Variants in ADK observed in about 807,000 individuals in gnomAD.
ADK encodes the protein N6,N6-dimethyladenosine kinase.
A neutral mutation model predicts 44.7 loss-of-function variants in ADK; 24 were observed. The observed-to-expected ratio is 0.54, with a 90% confidence interval of 0.39 to 0.76. The LOEUF (loss-of-function observed/expected upper bound fraction) is 0.76. ADK is among the 30% of genes least tolerant of loss of function. The probability of loss-of-function intolerance (pLI) is 0.00; values close to 1 mark genes in which losing one functional copy is unlikely to be tolerated. For missense variants in ADK, 321 were observed against 425.1 expected, an observed-to-expected ratio of 0.76 and a Z score of 2.15; for synonymous variants, 128 against 142.6, an observed-to-expected ratio of 0.90 and a Z score of 0.73.
chr10:74,282,843 A>G (rs999565637), intron 3 of ADK, among the ~76,000 whole-genome samples: 12 of 152,254 alleles, frequency 7.9e-5, no homozygotes, highest in Admixed American at 7.8e-4. Context: ...TTTTGCTGTT[A>G]ATTTTGTCTT....
chr10:74,473,049 ATG>A (rs945086044), intron 6 of ADK, among the ~76,000 whole-genome samples: 34 of 152,086 alleles, frequency 2.2e-4, no homozygotes, highest in African/African-American at 7.7e-4. Context: ...GAAGACAGTG[ATG>A]TGATCATGGC....
At position 74,569,084 on chromosome 10, in the gene ADK, T is replaced by C. The variant is rs558861435; in HGVS notation, c.727-20198T>C. On this transcript the variant is annotated intron_variant, in intron 7 of 10. Transcript: ENST00000539909. ...GAATGATGGTCTCCAGCTTCATCCA[T>C]GTCCCTACAAAAGACATGAACTCAT... Among the ~76,000 whole-genome samples the C allele has an allele frequency of 3.9e-5, 6 of 152,320 alleles. No homozygotes were observed. The South Asian group carries it at 1.2e-3, about 32-fold the overall frequency.
intron 3 of ADK, among the ~76,000 whole-genome samples, chr10:74,237,026 T>A (rs1262806323): frequency 1.3e-5 from 2 of 152,186 alleles, no homozygotes; most frequent in African/African-American, 4.8e-5. Context: ...TGCTGAAGGT[T>A]GGAGTGTCTG....
In ADK at chr10:74,429,059, A is replaced by G. The variant is rs530675743; in HGVS notation, c.555+30480A>G. On this transcript the variant is annotated intron_variant, in intron 6 of 10. Transcript: ENST00000539909. Reference sequence around the variant, plus strand: ...AATGTGACAACAGATGAAAATGGATAAAGGTATTTTCTGTGTTTTTATTTT... The same window carrying G: ...AATGTGACAACAGATGAAAATGGATGAAGGTATTTTCTGTGTTTTTATTTT... Among the ~76,000 whole-genome samples, 12 of 152,334 alleles carry G rather than the reference A, an allele frequency of 7.9e-5. No homozygotes were observed. In the South Asian group the frequency reaches 2.3e-3, roughly 29 times the overall value.
intron 1 of ADK, among the ~76,000 whole-genome samples, chr10:74,153,272 G>C (rs1454082392): frequency 3.3e-5 from 5 of 152,120 alleles, no homozygotes; most frequent in Non-Finnish European, 7.4e-5. Context: ...GGGGACATTT[G>C]GCGTGGTCTA....
chr10:74,216,308 T>A (rs1333510551), intron 2 of ADK, among the ~76,000 whole-genome samples: 1 of 152,194 alleles, frequency 6.6e-6, no homozygotes, highest in East Asian at 1.9e-4. Context: ...TAGCACACGG[T>A]AAAATAACAA....
intron 4 of ADK, among the ~76,000 whole-genome samples, chr10:74,373,277 G>A (rs1486485748): frequency 2.0e-5 from 3 of 152,026 alleles, no homozygotes; most frequent in Admixed American, 6.5e-5. Context: ...ATGATTCTTA[G>A]ATAGGTCACC....
At chr10:74,311,731 C>T (rs1840439306) in intron 3 of ADK, among the ~76,000 whole-genome samples, 1 of 152,064 alleles carries the variant, frequency 6.6e-6, no homozygotes, top group Non-Finnish European at 1.5e-5. Context: ...AAGTAGTGAT[C>T]AGAATAAAAG....
intron 2 of ADK, among the ~76,000 whole-genome samples, chr10:74,209,631 A>G (rs1843734788): frequency 6.7e-6 from 1 of 149,954 alleles, no homozygotes; most frequent in Non-Finnish European, 1.5e-5. Flanking sequence ...TTTTTTTTTT[A>G]GAGACAAGTT....
At chr10:74,545,666 G>A (rs1427038794) in intron 7 of ADK, among the ~76,000 whole-genome samples, 1 of 152,130 alleles carries the variant, frequency 6.6e-6, no homozygotes, top group Non-Finnish European at 1.5e-5. Flanking sequence ...GTTTGTGTTA[G>A]ATATTTTCAG....
chr10:74,656,190 C>T (rs12359909), intron 9 of ADK: 9 of 252,788 alleles, frequency 3.6e-5, no homozygotes, highest in Non-Finnish European at 5.5e-5. Context: ...ATTTTGTTCT[C>T]GAATCTCTGC....
intron 9 of ADK, 117 bp from the exon 10 acceptor site, chr10:74,670,066 T>C (rs754484500): frequency 2.4e-5 from 20 of 822,322 alleles, no homozygotes; most frequent in Non-Finnish European, 4.0e-5. Context: ...ATATGGAGCT[T>C]ATGTCCTGTC....
intron 9 of ADK, among the ~76,000 whole-genome samples, chr10:74,621,896 C>T (rs1284814463): frequency 1.3e-5 from 2 of 152,088 alleles, no homozygotes; most frequent in Non-Finnish European, 2.9e-5. Context: ...TATACCATGG[C>T]CCTCCTGGAA....
intron 3 of ADK, among the ~76,000 whole-genome samples, chr10:74,305,747 AGCAGGTTCTT>A (rs1424269133): frequency 2.6e-5 from 4 of 151,856 alleles, no homozygotes; most frequent in Non-Finnish European, 2.9e-5. Context: ...CTTTTTTAGA[AGCAGGTTCTT>A]GCTTTGTGGT....
chr10:74,217,817 T>C (rs1844121780), intron 2 of ADK, among the ~76,000 whole-genome samples: 1 of 152,144 alleles, frequency 6.6e-6, no homozygotes, highest in African/African-American at 2.4e-5. Flanking sequence ...GGGTCCTGTC[T>C]GTTAGAAGGA....
intron 6 of ADK, among the ~76,000 whole-genome samples, chr10:74,415,654 T>C (rs1306860710): frequency 1.3e-5 from 2 of 152,188 alleles, no homozygotes; most frequent in African/African-American, 4.8e-5. Flanking sequence ...ATTCAGTGGC[T>C]GTTAGTGTAT....
chr10:74,163,606 T>C (rs1007022369), intron 1 of ADK, among the ~76,000 whole-genome samples: 1 of 152,226 alleles, frequency 6.6e-6, no homozygotes, highest in African/African-American at 2.4e-5. Flanking sequence ...TATTGACTCA[T>C]CTAGGAGGGG....
At chr10:74,548,747 G>C (rs1477640397) in intron 7 of ADK, among the ~76,000 whole-genome samples, 3 of 152,202 alleles carry the variant, frequency 2.0e-5, no homozygotes. Flanking sequence ...CTCATTCACT[G>C]CTGTATCCCC....
intron 3 of ADK, among the ~76,000 whole-genome samples, chr10:74,308,595 A>T (rs1840332682): frequency 6.6e-6 from 1 of 152,120 alleles, no homozygotes; most frequent in Admixed American, 6.6e-5. Context: ...TTATGTTTTT[A>T]ATTATTTGTT....
Sources: allele counts gnomAD v4.1 joint callset (sites outside exome capture counted in the v4.1 genomes callset), GRCh38; gene constraint gnomAD v4.1.1; transcripts MANE v1.5; gene names NCBI Gene and HGNC (gene_info 2026-07-23, HGNC 2026-07-21).